CSPP1: variants seen among roughly 807,000 people sequenced by gnomAD.
The protein encoded by CSPP1 is centrosome and spindle pole-associated protein 1.
CSPP1 carries 126 observed loss-of-function variants against 164.4 expected under a neutral mutation model. That is an observed-to-expected ratio of 0.77 (90% CI 0.66 to 0.89). The LOEUF (loss-of-function observed/expected upper bound fraction) is 0.89, where lower values mean the gene tolerates loss of function less well. Ranked by LOEUF, CSPP1 falls within the 40% of genes least tolerant of loss-of-function variation. The pLI is 0.00. For synonymous variants in CSPP1, 472 were observed against 476.7 expected (o/e 0.99, Z 0.13); for missense variants, 1,395 against 1,449.8 (o/e 0.96, Z 0.61).
intron 4 of CSPP1, among the ~76,000 whole-genome samples, chr8:67,089,056 C>G (rs1811074271): frequency 6.6e-6 from 1 of 151,816 alleles, no homozygotes; most frequent in Non-Finnish European, 1.5e-5. Context: ...GCTTCCTGGA[C>G]CCCCTGAAAT....
intron 15 of CSPP1, among the ~76,000 whole-genome samples, chr8:67,128,566 CG>C (rs1203389508): frequency 6.6e-6 from 1 of 151,380 alleles, no homozygotes; most frequent in Non-Finnish European, 1.5e-5. Context: ...GCTTCTTGGC[CG>C]GGTTCAGTCT....
intron 22 of CSPP1, 57 bp from the exon 23 acceptor site, chr8:67,163,675 C>A (rs533758980): frequency 7.5e-7 from 1 of 1,328,894 alleles, no homozygotes; most frequent in Non-Finnish European, 1.1e-6. Flanking sequence ...TTACTCCCTT[C>A]AAGCTTCTGT....
chr8:67,194,901 T>C (rs1837503624), intron 30 of CSPP1, among the ~76,000 whole-genome samples: 1 of 152,182 alleles, frequency 6.6e-6, no homozygotes, highest in Admixed American at 6.5e-5. Flanking sequence ...TGCCAACTAG[T>C]GTTTTCCCAA....
chr8:67,133,871 A>T (rs1821732526), intron 16 of CSPP1: 1 of 152,240 alleles, frequency 6.6e-6, no homozygotes, highest in Admixed American at 6.5e-5. Context: ...TACCAAGAGT[A>T]GACTCCATCT....
At chr8:67,189,874 C>T (rs1052395198) in intron 28 of CSPP1, among the ~76,000 whole-genome samples, 9 of 151,870 alleles carry the variant, frequency 5.9e-5, no homozygotes, top group African/African-American at 9.7e-5. Context: ...CGGAGGTTAC[C>T]GTAGATGTTG....
chr8:67,180,902 A>G (rs1832852737), intron 28 of CSPP1, among the ~76,000 whole-genome samples: 1 of 151,968 alleles, frequency 6.6e-6, no homozygotes, highest in South Asian at 2.1e-4. Context: ...TACTCTGATC[A>G]TGAGTGTTTC....
intron 25 of CSPP1, chr8:67,174,592 C>T (rs955008230): frequency 6.6e-6 from 1 of 152,074 alleles, no homozygotes; most frequent in African/African-American, 2.4e-5. Context: ...GAAACCTCGT[C>T]TCTACTAAAA....
chr8:67,172,734 G>C, intron 25 of CSPP1, 179 bp downstream of exon 25: 1 of 546,268 alleles, frequency 1.8e-6, no homozygotes, highest in South Asian at 3.1e-5. Flanking sequence ...TCTGGTAGAT[G>C]AAGCTTTAGT....
At chr8:67,127,811 G>A (rs1361639286) in intron 15 of CSPP1, among the ~76,000 whole-genome samples, 1 of 152,066 alleles carries the variant, frequency 6.6e-6, no homozygotes, top group Non-Finnish European at 1.5e-5. Context: ...TTTTTCTGAA[G>A]GCCACATTAA....
At chr8:67,169,533 G>A (rs564028909) in intron 24 of CSPP1, among the ~76,000 whole-genome samples, 182 of 152,090 alleles carry the variant, frequency 1.2e-3, no homozygotes, top group African/African-American at 4.0e-3. Flanking sequence ...TCTGCCTCCC[G>A]GGTTCAAGTG....
intron 15 of CSPP1, among the ~76,000 whole-genome samples, chr8:67,125,816 G>A (rs777913015): frequency 9.9e-5 from 15 of 151,934 alleles, no homozygotes; most frequent in Admixed American, 2.0e-4. Context: ...ATTTTATTTG[G>A]TAAACATTGT....
intron 15 of CSPP1, among the ~76,000 whole-genome samples, chr8:67,123,557 C>T (rs910016242): frequency 6.7e-5 from 10 of 149,530 alleles, no homozygotes; most frequent in African/African-American, 2.2e-4. Flanking sequence ...TTCTATATGT[C>T]TTATGTCTTT....
intron 29 of CSPP1, 67 bp from the exon 30 acceptor site, chr8:67,193,397 C>G: frequency 6.9e-7 from 1 of 1,442,476 alleles, no homozygotes; most frequent in South Asian, 1.2e-5. Context: ...ATGCCTGGCC[C>G]TGATTCACTG....
In CSPP1 at chr8:67,091,872, T is replaced by C; in HGVS notation, c.373T>C (p.Leu125=). 1 of 1,338,084 alleles carries C rather than the reference T, an allele frequency of 7.5e-7. No homozygotes were observed. Among genetic ancestry groups the C allele is most frequent in the South Asian group, 1.2e-5 (1 of 83,900 alleles). The allele number at this position is 1,338,084 out of a possible 1,614,324, so 82.9% of individuals were successfully genotyped here. A position where few individuals can be genotyped will look rare whatever the true frequency, so the allele number is the denominator to read the frequency against. ...AGTTTCTCTTCCTATTGGTGAGAGG[T>C]TATCTGCTAAGGTAGGTGGATAGGA... The part of the protein sequence containing the change: ...LGVSLPIGER[L]SAKERLKLER... The change falls in exon 5 of 31, where the codon TTA becomes CTA. Residue 125 remains leucine (L), a synonymous_variant. Transcript: ENST00000678616.
At chr8:67,139,892 T>C (rs1328462000) in intron 17 of CSPP1, among the ~76,000 whole-genome samples, 3 of 152,074 alleles carry the variant, frequency 2.0e-5, no homozygotes, top group Non-Finnish European at 4.4e-5. Context: ...TACCTAATGT[T>C]AAATGATGAG....
chr8:67,192,068 T>C (rs1488147409), intron 29 of CSPP1, among the ~76,000 whole-genome samples: 2 of 144,316 alleles, frequency 1.4e-5, no homozygotes, highest in African/African-American at 5.3e-5. Context: ...GCTGATTTGT[T>C]TTTTTTTTTG....
chr8:67,125,330 A>G (rs1409025771), intron 15 of CSPP1, among the ~76,000 whole-genome samples: 2 of 152,216 alleles, frequency 1.3e-5, no homozygotes, highest in Non-Finnish European at 2.9e-5. Context: ...TGTTAATCTT[A>G]CTGAGGATCC....
intron 10 of CSPP1, among the ~76,000 whole-genome samples, chr8:67,113,065 G>A (rs1420633114): frequency 1.3e-5 from 2 of 152,176 alleles, no homozygotes; most frequent in Non-Finnish European, 2.9e-5. Context: ...CTAACACGGT[G>A]AAACCCCGTC....
At chr8:67,106,081 A>G in intron 9 of CSPP1, 106 bp downstream of exon 9, 1 of 648,930 alleles carries the variant, frequency 1.5e-6, no homozygotes, top group Admixed American at 2.7e-5. Context: ...CTAATAGTAG[A>G]AAATATTTGT....
Sources: allele counts gnomAD v4.1 joint callset (sites outside exome capture counted in the v4.1 genomes callset), GRCh38; gene constraint gnomAD v4.1.1; transcripts MANE v1.5; gene names NCBI Gene and HGNC (gene_info 2026-07-23, HGNC 2026-07-21).